Variants in MACROD2 observed in about 807,000 individuals in gnomAD.
MACROD2 encodes the protein mono-ADP ribosylhydrolase 2.
In MACROD2, 36 loss-of-function variants were observed where a neutral mutation model predicts 70.4. The ratio of observed to expected loss-of-function variants is 0.51; its 90% CI spans 0.39 to 0.68. The LOEUF is 0.68. Ranked by LOEUF, MACROD2 falls within the 30% of genes least tolerant of loss-of-function variation. MACROD2 has a pLI of 0.00. For synonymous variants in MACROD2, 172 were observed against 178.8 expected (o/e 0.96, Z 0.30); for missense variants, 496 against 538.4 (o/e 0.92, Z 0.78).
chr20:14,641,977 C>T (rs564051657), intron 4 of MACROD2, among the ~76,000 whole-genome samples: 1 of 152,320 alleles, frequency 6.6e-6, no homozygotes, highest in South Asian at 2.1e-4. Flanking sequence ...CTTCTTCCCT[C>T]TACCTATGAA....
At chr20:14,880,069 GA>G (rs905999221) in intron 5 of MACROD2, among the ~76,000 whole-genome samples, 2 of 152,122 alleles carry the variant, frequency 1.3e-5, no homozygotes, top group African/African-American at 4.8e-5. Context: ...TTGACTGGTG[GA>G]AAGCAGAACA....
At chr20:15,036,339 C>T (rs902076733) in intron 5 of MACROD2, among the ~76,000 whole-genome samples, 1 of 152,124 alleles carries the variant, frequency 6.6e-6, no homozygotes, top group Non-Finnish European at 1.5e-5. Flanking sequence ...ATCTATGTCC[C>T]TTTTGTCTTC....
intron 8 of MACROD2, among the ~76,000 whole-genome samples, chr20:15,859,636 A>G (rs1423844376): frequency 6.6e-6 from 1 of 152,178 alleles, no homozygotes; most frequent in Non-Finnish European, 1.5e-5. Flanking sequence ...AGTGAATAAG[A>G]CTAATTCTTG....
chr20:14,199,987 A>G (rs1431258426), intron 3 of MACROD2, among the ~76,000 whole-genome samples: 1 of 152,198 alleles, frequency 6.6e-6, no homozygotes, highest in Admixed American at 6.5e-5. Flanking sequence ...TAAATATCAT[A>G]AGAACCAATG....
intron 5 of MACROD2, among the ~76,000 whole-genome samples, chr20:14,909,568 A>G (rs2074000871): frequency 6.6e-6 from 1 of 151,940 alleles, no homozygotes; most frequent in South Asian, 2.1e-4. Context: ...AGGGAACGAG[A>G]TAACCTATAT....
In MACROD2 at chr20:15,459,198, GT is replaced by G. The variant is rs572266529; in HGVS notation, c.571+27764del. Among the ~76,000 whole-genome samples the G allele has an allele frequency of 4.3e-3, 649 of 152,206 alleles. 2 individuals carry two copies. The highest frequency in any genetic ancestry group is 0.015 in the African/African-American group (626 of 41,528). On this transcript the variant is annotated intron_variant, in intron 7 of 17. Coordinates refer to ENST00000684519, the MANE Select transcript of MACROD2 (RefSeq NM_001351661.2). ...AAAAATTTTTCCATGATAAAAATTT[GT>G]AGAGAGAGAATAAAATCTCTTTTAG...
chr20:15,349,623 G>T (rs550826966), intron 6 of MACROD2, among the ~76,000 whole-genome samples: 1 of 151,978 alleles, frequency 6.6e-6, no homozygotes, highest in Non-Finnish European at 1.5e-5. Flanking sequence ...GGGCATGGGG[G>T]CACACTCCTG....
At chr20:15,764,329 G>A (rs778277972) in intron 8 of MACROD2, among the ~76,000 whole-genome samples, 4 of 152,096 alleles carry the variant, frequency 2.6e-5, no homozygotes, top group Non-Finnish European at 4.4e-5. Context: ...TTGACCATTA[G>A]AAAGAATATT....
chr20:15,316,161 A>G (rs1344411962), intron 6 of MACROD2, among the ~76,000 whole-genome samples: 1 of 152,046 alleles, frequency 6.6e-6, no homozygotes, highest in East Asian at 1.9e-4. Context: ...ATAAGGAACA[A>G]AAAAAGTATA....
At chr20:15,971,240 T>C (rs1405963548) in intron 13 of MACROD2, among the ~76,000 whole-genome samples, 1 of 152,212 alleles carries the variant, frequency 6.6e-6, no homozygotes, top group Non-Finnish European at 1.5e-5. Flanking sequence ...TGAGATTCTC[T>C]GATATGGTTT....
chr20:14,284,045 C>G (rs1185929499), intron 3 of MACROD2, among the ~76,000 whole-genome samples: 1 of 152,168 alleles, frequency 6.6e-6, no homozygotes, highest in Non-Finnish European at 1.5e-5. Flanking sequence ...TTAGAAGTTG[C>G]TTCTAGAAAT....
At chr20:14,033,258 T>C (rs1208037545) in intron 2 of MACROD2, among the ~76,000 whole-genome samples, 1 of 152,086 alleles carries the variant, frequency 6.6e-6, no homozygotes, top group African/African-American at 2.4e-5. Flanking sequence ...AGAAATCTTT[T>C]TCTAGATTCT....
chr20:14,182,499 A>C (rs1442969453), intron 3 of MACROD2, among the ~76,000 whole-genome samples: 1 of 152,104 alleles, frequency 6.6e-6, no homozygotes, highest in Non-Finnish European at 1.5e-5. Flanking sequence ...CAATTTATCT[A>C]TTTTTAAGTG....
At chr20:15,667,499 G>GTATCTATCTATCTATCTATCTATC (rs76898460) in intron 8 of MACROD2, among the ~76,000 whole-genome samples, 93 of 150,366 alleles carry the variant, frequency 6.2e-4, no homozygotes, top group South Asian at 4.2e-3. Flanking sequence ...ATCTATCTAT[G>GTATCTATCTATCTATCTATCTATC]TATCTATCTA....
intron 5 of MACROD2, among the ~76,000 whole-genome samples, chr20:15,120,978 G>A (rs1389482653): frequency 6.6e-6 from 1 of 152,098 alleles, no homozygotes; most frequent in African/African-American, 2.4e-5. Context: ...AGCCAGGTCT[G>A]CTGATATTGA....
At chr20:15,174,965 C>T (rs1343576740) in intron 5 of MACROD2, among the ~76,000 whole-genome samples, 2 of 151,814 alleles carry the variant, frequency 1.3e-5, no homozygotes, top group East Asian at 1.9e-4. Context: ...TGCCTGTTTA[C>T]TCTGATGGTA....
Position 15,165,171 on chromosome 20 carries a change from A to G in MACROD2, c.419-64769A>G, listed in dbSNP as rs140692761. Among the ~76,000 whole-genome samples the G allele has an allele frequency of 8.4e-3, 1,273 of 152,314 alleles. 13 individuals are homozygous for G. The highest frequency in any genetic ancestry group is 0.01 in the Non-Finnish European group (699 of 68,026). ...CATATAAAGGTAAGAAAGACTTGACACCGGCTGGGTACGGTGGCTTACGCC... is the reference window on the plus strand; with the variant it reads ...CATATAAAGGTAAGAAAGACTTGACGCCGGCTGGGTACGGTGGCTTACGCC... On this transcript the variant is annotated intron_variant, in intron 5 of 17. Coordinates refer to ENST00000684519, the MANE Select transcript of MACROD2 (RefSeq NM_001351661.2).
chr20:15,304,529 T>A (rs2077677259), intron 6 of MACROD2, among the ~76,000 whole-genome samples: 1 of 152,184 alleles, frequency 6.6e-6, no homozygotes, highest in African/African-American at 2.4e-5. Flanking sequence ...CTTTTGTTCT[T>A]TAATTCCCAG....
chr20:14,120,765 A>G (rs1465888446), intron 3 of MACROD2, among the ~76,000 whole-genome samples: 1 of 151,766 alleles, frequency 6.6e-6, no homozygotes, highest in African/African-American at 2.4e-5. Context: ...TTGCAGGGAC[A>G]TGTATGAATC....
Sources: gnomAD v4.1 joint callset for allele counts (sites outside exome capture counted in the v4.1 genomes callset) on GRCh38, gnomAD v4.1.1 for gene constraint, MANE v1.5 for transcripts, NCBI Gene and HGNC (gene_info 2026-07-23, HGNC 2026-07-21) for gene names.